Variants in ALDH5A1 observed in about 807,000 individuals in gnomAD.
ALDH5A1 encodes aldehyde dehydrogenase 5 family member A1.
ALDH5A1 carries 33 observed loss-of-function variants against 54.7 expected under a neutral mutation model. The ratio of observed to expected loss-of-function variants is 0.60; its 90% confidence interval spans 0.46 to 0.81. The LOEUF is 0.81. Among genes scored for constraint, ALDH5A1 ranks in the 30% least tolerant of loss-of-function variants. The pLI, the probability that ALDH5A1 is intolerant of heterozygous loss-of-function variation, is 0.00. For synonymous variants in ALDH5A1, 294 were observed against 292.7 expected, an observed-to-expected ratio of 1.00 and a Z score of -0.05; for missense variants, 657 against 711.0, an observed-to-expected ratio of 0.92 and a Z score of 0.86.
At chr6:24,515,445 C>T in intron 5 of ALDH5A1, 135 bp downstream of exon 5, 1 of 1,077,384 alleles carries the variant, frequency 9.3e-7, no homozygotes. Flanking sequence ...CTGTCGCAGG[C>T]CAAGCACGGC....
chr6:24,497,199 G>T (rs2127380272), intron 1 of ALDH5A1, among the ~76,000 whole-genome samples: 1 of 152,306 alleles, frequency 6.6e-6, no homozygotes, highest in South Asian at 2.1e-4. Context: ...GGTGGGTGGG[G>T]CGTGGTGGCC....
At chr6:24,527,282 A>G (rs535734686) in intron 7 of ALDH5A1, among the ~76,000 whole-genome samples, 1 of 152,158 alleles carries the variant, frequency 6.6e-6, no homozygotes, top group Non-Finnish European at 1.5e-5. Flanking sequence ...CTTTTTTAAA[A>G]CAACTACTTG....
At chr6:24,514,347 G>A (rs1357816542) in intron 4 of ALDH5A1, among the ~76,000 whole-genome samples, 1 of 152,206 alleles carries the variant, frequency 6.6e-6, no homozygotes, top group Non-Finnish European at 1.5e-5. Context: ...GGTGAATCAA[G>A]TAACTTTTTT....
intron 1 of ALDH5A1, among the ~76,000 whole-genome samples, chr6:24,498,852 A>G (rs1259848534): frequency 6.6e-6 from 1 of 152,160 alleles, no homozygotes; most frequent in Non-Finnish European, 1.5e-5. Flanking sequence ...TAATCCCAGC[A>G]CTTTGGGAGG....
chr6:24,524,557 C>T (rs912356987), intron 7 of ALDH5A1, among the ~76,000 whole-genome samples: 4 of 152,232 alleles, frequency 2.6e-5, no homozygotes, highest in Non-Finnish European at 5.9e-5. Flanking sequence ...GTCAACTCAG[C>T]TGAACCCACA....
intron 6 of ALDH5A1, among the ~76,000 whole-genome samples, chr6:24,521,146 A>G (rs1413701265): frequency 6.6e-6 from 1 of 152,250 alleles, no homozygotes; most frequent in African/African-American, 2.4e-5. Flanking sequence ...GGTGCCCTCT[A>G]CAGGGCACAG....
chr6:24,520,411 A>T lies in ALDH5A1; in HGVS notation c.881A>T (p.His294Leu). 3.1e-6 allele frequency: 5 copies of T among 1,614,092 alleles called. No individual in the cohort carries two copies. Among genetic ancestry groups the T allele is most frequent in the Non-Finnish European group, 3.4e-6 (4 of 1,180,012 alleles). The change falls in exon 6 of 10, where the codon CAC becomes CTC. Residue 294 changes from histidine (H) to leucine (L), a missense_variant. His to Leu is a moderately conservative substitution (Grantham distance 99). Transcript: ENST00000357578. The stretch of plus-strand genomic sequence containing the variant: ...CTCCTCTGCTCACAGATCCTGTTGC[A>T]CCACGCAGCAAACTCTGTGAAAAGG... ...GSTTTGKILL[H>L]HAANSVKRVS... is the part of the protein sequence containing the mutation.
chr6:24,508,624 G>T (rs1421715721), intron 4 of ALDH5A1, among the ~76,000 whole-genome samples: 1 of 147,060 alleles, frequency 6.8e-6, no homozygotes, highest in Non-Finnish European at 1.5e-5. Flanking sequence ...TTTTCCTCTG[G>T]GTAGATACCC....
chr6:24,505,154 T>C (rs1194465103), intron 4 of ALDH5A1, among the ~76,000 whole-genome samples, 169 bp downstream of exon 4: 1 of 152,214 alleles, frequency 6.6e-6, no homozygotes. Flanking sequence ...GTAGCTCTTT[T>C]GGGAAAAAAA....
rs371806981 is a variant in ALDH5A1, at chr6:24,520,061, A to G, written c.871-340A>G. Among the ~76,000 whole-genome samples the G allele has an allele frequency of 1.6e-4, 24 of 152,020 alleles. No individual in the cohort carries two copies. The East Asian group carries it at 4.3e-3, about 27-fold the overall frequency. On this transcript the variant is annotated intron_variant, in intron 5 of 9. Transcript: ENST00000357578. Reference sequence around the variant, plus strand: ...GTCTTGTCATCCCAGTGTTTATTTTACTAATTTATTTATTTATTTAATTTT... The same window carrying G: ...GTCTTGTCATCCCAGTGTTTATTTTGCTAATTTATTTATTTATTTAATTTT...
Position 24,535,642 on chromosome 6 carries a change from T to C in ALDH5A1, c.*1930T>C, listed in dbSNP as rs1441825596. 1 of 152,172 alleles carries C rather than the reference T, an allele frequency of 6.6e-6. No homozygotes were observed. Among genetic ancestry groups the C allele is most frequent in the Admixed American group, 6.6e-5 (1 of 15,256 alleles). The allele number at this position is 152,172 out of a possible 1,614,324, so 9.4% of individuals were successfully genotyped here. A position where few individuals can be genotyped will look rare whatever the true frequency, so the allele number is the denominator to read the frequency against. On this transcript the variant is annotated 3_prime_UTR_variant, in exon 10 of 10. Coordinates refer to ENST00000357578, the MANE Select transcript of ALDH5A1 (RefSeq NM_001080.3). ...TCCTGGCTAACACGGTGAAACCCCG[T>C]CTCTACTAAAAATACAAAAAAAATT...
At chr6:24,514,171 G>A (rs9467208) in intron 4 of ALDH5A1, among the ~76,000 whole-genome samples, 12 of 152,274 alleles carry the variant, frequency 7.9e-5, no homozygotes, top group African/African-American at 2.9e-4. Context: ...GTTTGCATGC[G>A]GGTTCTGTTA....
In ALDH5A1 at chr6:24,536,879, CT is replaced by C. The variant is rs1760061372; in HGVS notation, c.*3168del. 6.6e-6 allele frequency: 1 copy of C among 152,648 alleles called. No individual in the cohort carries two copies. The highest frequency in any genetic ancestry group is 6.5e-5 in the Admixed American group (1 of 15,280). 9.5% of individuals were successfully genotyped at this position (152,648 alleles called of 1,614,324 possible). A position where few individuals can be genotyped will look rare whatever the true frequency, so the allele number is the denominator to read the frequency against. ...AGATCAGAAGCAAATGTGAGCAAATCTGTTTTACTGTTAACTTCAATTATGA... is the reference window on the plus strand; with the variant it reads ...AGATCAGAAGCAAATGTGAGCAAATCGTTTTACTGTTAACTTCAATTATGA... On this transcript the variant is annotated 3_prime_UTR_variant, in exon 10 of 10. Transcript: ENST00000357578.
rs999671766 is a variant in ALDH5A1 at position 24,533,602 on chromosome 6, G to A, written c.1498G>A (p.Val500Met). ...VGVNEGLISS[V>M]ECPFGGVKQS... is the part of the protein sequence containing the mutation. ...CGTCAACGAAGGATTAATTTCCTCTGTGGAGTGCCCTTTTGGTGGAGTGAA... is the reference window on the plus strand; with the variant it reads ...CGTCAACGAAGGATTAATTTCCTCTATGGAGTGCCCTTTTGGTGGAGTGAA... Residue 500 changes from valine (V) to methionine (M), a missense_variant, in exon 10 of 10, where the codon GTG becomes ATG. Val to Met is a conservative substitution (Grantham distance 21). Coordinates refer to ENST00000357578, the MANE Select transcript of ALDH5A1 (RefSeq NM_001080.3). The A allele has an allele frequency of 1.2e-6, 2 of 1,614,048 alleles. No individual in the cohort carries two copies. The highest frequency in any genetic ancestry group is 3.3e-5 in the Admixed American group (2 of 60,006).
At chr6:24,529,159 T>C (rs1759878100) in intron 8 of ALDH5A1, among the ~76,000 whole-genome samples, 1 of 151,980 alleles carries the variant, frequency 6.6e-6, no homozygotes, top group Non-Finnish European at 1.5e-5. Context: ...ATCCACTTTT[T>C]TTTTCTTTTT....
chr6:24,495,396 G>A, intron 1 of ALDH5A1, 46 bp downstream of exon 1: 1 of 1,520,370 alleles, frequency 6.6e-7, no homozygotes, highest in Non-Finnish European at 8.8e-7. Context: ...CGGGGACACG[G>A]CGGGGAGCAG....
intron 1 of ALDH5A1, among the ~76,000 whole-genome samples, chr6:24,497,017 G>C (rs1764723859): frequency 6.6e-6 from 1 of 152,166 alleles, no homozygotes; most frequent in African/African-American, 2.4e-5. Flanking sequence ...CTGCCGGTAG[G>C]TTTGTGGCCT....
intron 7 of ALDH5A1, among the ~76,000 whole-genome samples, chr6:24,526,752 C>CA (rs1284379246): frequency 6.7e-6 from 1 of 150,096 alleles, no homozygotes; most frequent in African/African-American, 2.5e-5. Flanking sequence ...GGAAACTTCT[C>CA]AGAGTTAGGG....
chr6:24,499,151 G>A (rs1295618169), intron 1 of ALDH5A1, among the ~76,000 whole-genome samples: 2 of 151,694 alleles, frequency 1.3e-5, no homozygotes, highest in Non-Finnish European at 2.9e-5. Flanking sequence ...AGGCATTGTG[G>A]CATGCACCTG....
Sources: allele counts gnomAD v4.1 joint callset (sites outside exome capture counted in the v4.1 genomes callset), GRCh38; gene constraint gnomAD v4.1.1; transcripts MANE v1.5; gene names NCBI Gene and HGNC (gene_info 2026-07-23, HGNC 2026-07-21).